Variants in CACNA2D1 observed in about 807,000 individuals in gnomAD.
CACNA2D1 encodes the protein calcium voltage-gated channel auxiliary subunit alpha2delta 1.
Under a neutral mutation model 171.5 loss-of-function variants are expected in CACNA2D1, and 53 were observed. That is an observed-to-expected ratio of 0.31 (90% CI 0.25 to 0.39). The LOEUF (loss-of-function observed/expected upper bound fraction) is 0.39, where lower values mean the gene tolerates loss of function less well. Ranked by LOEUF, CACNA2D1 falls within the 10% of genes least tolerant of loss-of-function variation. The pLI is 1.00. For synonymous variants in CACNA2D1, 442 were observed against 443.1 expected (o/e 1.00, Z 0.03); for missense variants, 903 against 1,299.8 (o/e 0.69, Z 4.69).
chr7:82,035,068 A>C (rs1310544977), intron 11 of CACNA2D1, among the ~76,000 whole-genome samples: 1 of 152,130 alleles, frequency 6.6e-6, no homozygotes, highest in African/African-American at 2.4e-5. Flanking sequence ...TAAGCCAAAA[A>C]AACAAGATTG....
intron 3 of CACNA2D1, among the ~76,000 whole-genome samples, chr7:82,326,014 G>A (rs961925556): frequency 6.6e-6 from 1 of 152,024 alleles, no homozygotes; most frequent in Non-Finnish European, 1.5e-5. Flanking sequence ...TGTGGGTATG[G>A]GCATGAGTGC....
intron 3 of CACNA2D1, among the ~76,000 whole-genome samples, chr7:82,318,044 C>T (rs1239070521): frequency 6.6e-6 from 1 of 151,876 alleles, no homozygotes; most frequent in East Asian, 1.9e-4. Context: ...TATACTTACC[C>T]TCCATTTCTC....
chr7:82,224,366 T>C (rs1350640251), intron 3 of CACNA2D1, among the ~76,000 whole-genome samples: 3 of 151,882 alleles, frequency 2.0e-5, no homozygotes, highest in African/African-American at 7.3e-5. Flanking sequence ...GGCGGGCGGA[T>C]CACAAGGTCA....
rs553493008 is a variant in CACNA2D1 at position 82,106,206 on chromosome 7, G to C, written c.526+10838C>G. On this transcript the variant is annotated intron_variant, in intron 6 of 38. Transcript: ENST00000356860. ...TCTTTTAAATGCCTTTCTACCTCTAGGGAGAAATCGAGTAAGATTTTATCC... is the reference window on the plus strand; with the variant it reads ...TCTTTTAAATGCCTTTCTACCTCTACGGAGAAATCGAGTAAGATTTTATCC... Among the ~76,000 whole-genome samples, 5 of 152,074 alleles carry C rather than the reference G, an allele frequency of 3.3e-5. No homozygotes were observed. In the East Asian group the frequency reaches 9.7e-4, roughly 29 times the overall value.
intron 1 of CACNA2D1, among the ~76,000 whole-genome samples, chr7:82,396,591 C>T (rs1003883667): frequency 1.3e-5 from 2 of 152,164 alleles, no homozygotes; most frequent in Non-Finnish European, 2.9e-5. Context: ...GTCTAAATAG[C>T]TATTGCTCAA....
In CACNA2D1 at chr7:81,968,860, GTTTTTGTATTTA is replaced by G. The variant is rs1794976909; in HGVS notation, c.2395+15_2395+26del. On this transcript the variant is annotated intron_variant, in intron 29 of 38. Transcript: ENST00000356860. ...CCAAGTAACATTTAATTTTGATTGT[GTTTTTGTATTTA>G]ATATTTATCCTTACCTGCAGGTTTA... 1 of 1,139,378 alleles carries G rather than the reference GTTTTTGTATTTA, an allele frequency of 8.8e-7. No individual in the cohort carries two copies. Among genetic ancestry groups the G allele is most frequent in the Admixed American group, 1.7e-5 (1 of 58,652 alleles). The allele number at this position is 1,139,378 out of a possible 1,614,324, so 70.6% of individuals were successfully genotyped here. A position where few individuals can be genotyped will look rare whatever the true frequency, so the allele number is the denominator to read the frequency against.
intron 3 of CACNA2D1, among the ~76,000 whole-genome samples, chr7:82,185,119 T>C (rs1019349257): frequency 3.3e-5 from 5 of 152,142 alleles, no homozygotes; most frequent in Admixed American, 3.3e-4. Context: ...AAACTATGAA[T>C]AGGAGTAATT....
chr7:82,130,818 A>G (rs1790883143), intron 5 of CACNA2D1, among the ~76,000 whole-genome samples: 1 of 116,102 alleles, frequency 8.6e-6, no homozygotes, highest in Admixed American at 1.0e-4. Flanking sequence ...TTTTTTTGAG[A>G]CAGAGTCTCG....
chr7:82,192,027 A>G (rs1798346810), intron 3 of CACNA2D1, among the ~76,000 whole-genome samples: 2 of 151,916 alleles, frequency 1.3e-5, no homozygotes, highest in Admixed American at 1.3e-4. Flanking sequence ...TCACAAATTC[A>G]TGCATCTAAA....
intron 1 of CACNA2D1, among the ~76,000 whole-genome samples, chr7:82,414,547 A>G (rs1315355650): frequency 6.6e-6 from 1 of 152,236 alleles, no homozygotes; most frequent in African/African-American, 2.4e-5. Flanking sequence ...GTGGGAAGCA[A>G]GAGCAGCAGT....
intron 3 of CACNA2D1, among the ~76,000 whole-genome samples, chr7:82,291,187 G>A (rs867692494): frequency 9.5e-6 from 1 of 105,372 alleles, no homozygotes; most frequent in Non-Finnish European, 1.9e-5. Flanking sequence ...ATTCTATATC[G>A]ATATAGAATT....
intron 7 of CACNA2D1, among the ~76,000 whole-genome samples, chr7:82,068,426 G>A (rs374653820): frequency 6.6e-6 from 1 of 152,064 alleles, no homozygotes; most frequent in East Asian, 1.9e-4. Flanking sequence ...GGGAACTGGG[G>A]GATTAGGACC....
chr7:82,242,564 C>T (rs1460173660), intron 3 of CACNA2D1, among the ~76,000 whole-genome samples: 3 of 152,116 alleles, frequency 2.0e-5, no homozygotes, highest in Non-Finnish European at 4.4e-5. Flanking sequence ...ATACAGTCAA[C>T]TTTTTCTTGC....
chr7:82,036,221 A>G (rs915588326), intron 11 of CACNA2D1, among the ~76,000 whole-genome samples: 11 of 152,108 alleles, frequency 7.2e-5, no homozygotes, highest in Admixed American at 3.3e-4. Context: ...TTCCCACACC[A>G]GCATCTCTAC....
chr7:82,328,745 A>G (rs1233365174), intron 3 of CACNA2D1, among the ~76,000 whole-genome samples: 1 of 152,122 alleles, frequency 6.6e-6, no homozygotes, highest in Non-Finnish European at 1.5e-5. Context: ...AGTACTCCAC[A>G]TTTTCCTTCA....
At chr7:82,406,939 T>C (rs1228364920) in intron 1 of CACNA2D1, among the ~76,000 whole-genome samples, 1 of 152,226 alleles carries the variant, frequency 6.6e-6, no homozygotes, top group Non-Finnish European at 1.5e-5. Context: ...AATGAATCAA[T>C]GTATGTTTTA....
At chr7:82,256,641 A>T (rs1429902106) in intron 3 of CACNA2D1, among the ~76,000 whole-genome samples, 1 of 152,182 alleles carries the variant, frequency 6.6e-6, no homozygotes, top group Non-Finnish European at 1.5e-5. Flanking sequence ...TTGTTTTTAA[A>T]GTATATTTGA....
At chr7:82,092,947 A>G (rs1056204002) in intron 6 of CACNA2D1, among the ~76,000 whole-genome samples, 2 of 152,152 alleles carry the variant, frequency 1.3e-5, no homozygotes, top group African/African-American at 4.8e-5. Context: ...CCATAGAAGA[A>G]TGAATATGCA....
chr7:82,396,254 CAGGAGG>C (rs1825748224), intron 1 of CACNA2D1, among the ~76,000 whole-genome samples: 1 of 152,052 alleles, frequency 6.6e-6, no homozygotes, highest in East Asian at 1.9e-4. Flanking sequence ...GAGGCTGAGG[CAGGAGG>C]ATCGCCTGAG....
Sources: gnomAD v4.1 joint callset for allele counts (sites outside exome capture counted in the v4.1 genomes callset) on GRCh38, gnomAD v4.1.1 for gene constraint, MANE v1.5 for transcripts, NCBI Gene and HGNC (gene_info 2026-07-23, HGNC 2026-07-21) for gene names.